The following ADAMTSL1 variants were observed in gnomAD, a reference collection of about 807,000 sequenced individuals.
ADAMTSL1 encodes ADAMTS-like protein 1.
ADAMTSL1 carries 126 observed loss-of-function variants against 201.8 expected under a neutral mutation model. The observed-to-expected ratio is 0.62, with a 90% CI of 0.54 to 0.72. The LOEUF is 0.72. Among genes scored for constraint, ADAMTSL1 ranks in the 30% least tolerant of loss-of-function variants. The pLI is 0.00. For missense variants in ADAMTSL1, 2,679 were observed against 2,277.8 expected (o/e 1.18, Z -3.59); for synonymous variants, 1,121 against 903.4 (o/e 1.24, Z -4.32).
chr9:18,440,679 C>T (rs931948542), intron 2 of ADAMTSL1, among the ~76,000 whole-genome samples: 4 of 150,862 alleles, frequency 2.7e-5, no homozygotes, highest in Admixed American at 6.6e-5. Flanking sequence ...TAAAAATTAC[C>T]GCAATTTTAA....
chr9:18,518,136 G>A (rs1304927539), intron 2 of ADAMTSL1, among the ~76,000 whole-genome samples: 2 of 152,102 alleles, frequency 1.3e-5, no homozygotes, highest in African/African-American at 4.8e-5. Context: ...GTAAATAATT[G>A]TCAAAAAATA....
intron 1 of ADAMTSL1, among the ~76,000 whole-genome samples, chr9:18,072,060 C>A (rs776091777): frequency 3.3e-5 from 5 of 152,226 alleles, no homozygotes; most frequent in Non-Finnish European, 7.4e-5. Flanking sequence ...AGAACATTGC[C>A]ATTCGTATGT....
intron 1 of ADAMTSL1, among the ~76,000 whole-genome samples, chr9:18,135,164 T>C (rs2131981484): frequency 6.6e-6 from 1 of 152,318 alleles, no homozygotes; most frequent in Non-Finnish European, 1.5e-5. Flanking sequence ...GGCCTGCATG[T>C]ATAACTCCAT....
chr9:18,004,869 T>C (rs1159039505), intron 1 of ADAMTSL1, among the ~76,000 whole-genome samples: 1 of 152,070 alleles, frequency 6.6e-6, no homozygotes, highest in Non-Finnish European at 1.5e-5. Flanking sequence ...TGCCAAAAAG[T>C]GAAGACGTAC....
chr9:18,581,143 T>C (rs963512645), intron 4 of ADAMTSL1, among the ~76,000 whole-genome samples: 1 of 152,180 alleles, frequency 6.6e-6, no homozygotes, highest in Non-Finnish European at 1.5e-5. Context: ...TCCTAACTTC[T>C]AATAGTAGCC....
intron 2 of ADAMTSL1, among the ~76,000 whole-genome samples, chr9:18,238,965 G>A (rs1830953151): frequency 6.6e-6 from 1 of 152,192 alleles, no homozygotes; most frequent in African/African-American, 2.4e-5. Context: ...ACACAATTTT[G>A]TGGTTTCCCA....
rs866335431 is a variant in ADAMTSL1 at position 18,190,062 on chromosome 9, T to C, written c.207+26081T>C. ...GTTTCAAATGAAATGTATGTTTTTGTATAAGTAACCTCTAAGGGGATCCAG... is the reference window on the plus strand; with the variant it reads ...GTTTCAAATGAAATGTATGTTTTTGCATAAGTAACCTCTAAGGGGATCCAG... On this transcript the variant is annotated intron_variant, in intron 2 of 29. Coordinates refer to the ADAMTSL1 transcript ENST00000680146. 7.2e-5 allele frequency among the ~76,000 whole-genome samples: 11 copies of C among 152,322 alleles called. No individual in the cohort carries two copies. The South Asian group carries it at 1.9e-3, about 26-fold the overall frequency.
chr9:17,972,184 T>G (rs568278826), intron 1 of ADAMTSL1, among the ~76,000 whole-genome samples: 1 of 150,498 alleles, frequency 6.6e-6, no homozygotes, highest in South Asian at 2.1e-4. Context: ...TTATTATACT[T>G]TAAGTTTTAG....
At chr9:17,940,813 A>AC (rs57863954) in intron 1 of ADAMTSL1, among the ~76,000 whole-genome samples, 41,107 of 67,220 alleles carry the variant, frequency 0.61, 12,741 homozygotes, top group East Asian at 0.89. Flanking sequence ...CCCCCCCCCC[A>AC]AAAAAAAGAA....
At chr9:18,508,719 ACT>A (rs1345814310) in intron 2 of ADAMTSL1, among the ~76,000 whole-genome samples, 2 of 152,148 alleles carry the variant, frequency 1.3e-5, no homozygotes, top group African/African-American at 2.4e-5. Context: ...AAAATACATA[ACT>A]CTAAGCAGTA....
intron 1 of ADAMTSL1, among the ~76,000 whole-genome samples, chr9:17,947,066 CATATCAGCTT>C (rs1827519197): frequency 6.6e-6 from 1 of 151,968 alleles, no homozygotes; most frequent in African/African-American, 2.4e-5. Flanking sequence ...CATGTAAAAG[CATATCAGCTT>C]TGCCACCAAA....
At chr9:18,762,197 T>C (rs1211999170) in intron 16 of ADAMTSL1, among the ~76,000 whole-genome samples, 1 of 152,144 alleles carries the variant, frequency 6.6e-6, no homozygotes, top group Non-Finnish European at 1.5e-5. Context: ...CCTGTGTGCA[T>C]GCAGGGAGGG....
chr9:18,294,055 A>G (rs984607241), intron 2 of ADAMTSL1, among the ~76,000 whole-genome samples: 1 of 152,228 alleles, frequency 6.6e-6, no homozygotes, highest in Non-Finnish European at 1.5e-5. Flanking sequence ...TGGGCTTACG[A>G]GGAGAGTTCC....
chr9:18,766,167 C>A (rs766066942), intron 16 of ADAMTSL1, among the ~76,000 whole-genome samples: 14 of 152,172 alleles, frequency 9.2e-5, no homozygotes, highest in Non-Finnish European at 1.5e-4. Flanking sequence ...TAGCTAGAAC[C>A]ATGCTTGGTT....
intron 23 of ADAMTSL1, among the ~76,000 whole-genome samples, chr9:18,884,958 T>C (rs948346572): frequency 1.3e-5 from 2 of 152,240 alleles, no homozygotes; most frequent in African/African-American, 2.4e-5. Context: ...TTGCATTCAA[T>C]CTGTAGATCA....
chr9:18,614,905 G>T (rs576049289), intron 4 of ADAMTSL1, among the ~76,000 whole-genome samples: 2 of 151,772 alleles, frequency 1.3e-5, no homozygotes, highest in East Asian at 3.9e-4. Context: ...TTTTCCTATG[G>T]GCCTTGTGTT....
At chr9:17,948,982 A>G (rs1827622666) in intron 1 of ADAMTSL1, among the ~76,000 whole-genome samples, 1 of 152,196 alleles carries the variant, frequency 6.6e-6, no homozygotes, top group African/African-American at 2.4e-5. Flanking sequence ...TGAGGATCAG[A>G]TAGCTAGTTA....
At chr9:18,748,119 T>A (rs1313515605) in intron 15 of ADAMTSL1, among the ~76,000 whole-genome samples, 1 of 152,138 alleles carries the variant, frequency 6.6e-6, no homozygotes, top group Non-Finnish European at 1.5e-5. Context: ...AATCAGGTTT[T>A]GACAAAGGGG....
chr9:18,882,374 G>A (rs550963907), intron 23 of ADAMTSL1, among the ~76,000 whole-genome samples: 9 of 152,068 alleles, frequency 5.9e-5, no homozygotes, highest in South Asian at 2.1e-4. Flanking sequence ...AGGGAGACAC[G>A]CATTTGCCTA....
Sources: allele counts gnomAD v4.1 joint callset (sites outside exome capture counted in the v4.1 genomes callset), GRCh38; gene constraint gnomAD v4.1.1; transcripts MANE v1.5; gene names NCBI Gene and HGNC (gene_info 2026-07-23, HGNC 2026-07-21).